MYO3B: variants seen among roughly 807,000 people sequenced by gnomAD.
MYO3B encodes the protein myosin-IIIb.
In MYO3B, 156 loss-of-function variants were observed where a neutral mutation model predicts 174.6. The observed-to-expected ratio is 0.89, with a 90% CI of 0.78 to 1.02. The LOEUF (loss-of-function observed/expected upper bound fraction) is 1.02, where lower values mean the gene tolerates loss of function less well. MYO3B is among the 50% of genes least tolerant of loss of function. The pLI is 0.00. For missense variants in MYO3B, 1,632 were observed against 1,639.4 expected (o/e 1.00, Z 0.08); for synonymous variants, 563 against 569.1 (o/e 0.99, Z 0.15).
At chr2:170,488,419 T>C (rs572843044) in intron 25 of MYO3B, among the ~76,000 whole-genome samples, 1 of 152,208 alleles carries the variant, frequency 6.6e-6, no homozygotes, top group Non-Finnish European at 1.5e-5. Context: ...TGTGCCTTTG[T>C]GTCAAACCTG....
intron 22 of MYO3B, among the ~76,000 whole-genome samples, chr2:170,443,001 C>A (rs987903036): frequency 3.3e-5 from 5 of 152,168 alleles, no homozygotes; most frequent in African/African-American, 9.7e-5. Context: ...GATTTATAAT[C>A]CTTCAGGTAT....
intron 3 of MYO3B, among the ~76,000 whole-genome samples, chr2:170,200,965 G>A (rs568986558): frequency 2.0e-5 from 3 of 152,304 alleles, no homozygotes; most frequent in South Asian, 4.1e-4. Context: ...TCAGTTCTCT[G>A]AAGTGGAAGC....
chr2:170,413,827 CAGG>C (rs2094561136), intron 22 of MYO3B, among the ~76,000 whole-genome samples: 1 of 151,956 alleles, frequency 6.6e-6, no homozygotes, highest in African/African-American at 2.4e-5. Flanking sequence ...ATCACGAGGT[CAGG>C]AGATCAAGAC....
At chr2:170,493,694 G>A (rs1686646470) in intron 25 of MYO3B, among the ~76,000 whole-genome samples, 1 of 152,142 alleles carries the variant, frequency 6.6e-6, no homozygotes, top group African/African-American at 2.4e-5. Flanking sequence ...CTAAGCCTAG[G>A]TCATAAAACA....
At chr2:170,335,625 A>G (rs2093942454) in intron 8 of MYO3B, among the ~76,000 whole-genome samples, 175 bp downstream of exon 8, 1 of 152,234 alleles carries the variant, frequency 6.6e-6, no homozygotes, top group Admixed American at 6.5e-5. Flanking sequence ...TGTGAAAAGT[A>G]AGGCGTTCCA....
intron 7 of MYO3B, among the ~76,000 whole-genome samples, chr2:170,320,630 T>C (rs1559384730): frequency 6.6e-6 from 1 of 151,898 alleles, no homozygotes; most frequent in Non-Finnish European, 1.5e-5. Flanking sequence ...TAGTTTTAAA[T>C]ATAATTATAT....
chr2:170,298,265 C>T (rs1198942516), intron 7 of MYO3B, among the ~76,000 whole-genome samples: 3 of 152,036 alleles, frequency 2.0e-5, no homozygotes, highest in Non-Finnish European at 2.9e-5. Flanking sequence ...GGAGAGAGCC[C>T]TCCCTAGAGA....
intron 8 of MYO3B, among the ~76,000 whole-genome samples, chr2:170,359,518 C>A (rs1168082625): frequency 6.6e-6 from 1 of 152,160 alleles, no homozygotes; most frequent in Non-Finnish European, 1.5e-5. Context: ...AACTTACCAG[C>A]AAGACCTTCT....
intron 7 of MYO3B, among the ~76,000 whole-genome samples, chr2:170,326,723 G>C (rs2093871498): frequency 6.6e-6 from 1 of 152,214 alleles, no homozygotes; most frequent in African/African-American, 2.4e-5. Context: ...GTGCTTTAGA[G>C]ATAATGAGAA....
chr2:170,627,040 C>T (rs1183245443), intron 32 of MYO3B, among the ~76,000 whole-genome samples: 1 of 151,924 alleles, frequency 6.6e-6, no homozygotes, highest in East Asian at 1.9e-4. Context: ...AGTTGCTCTT[C>T]TCCAGGAGTA....
chr2:170,519,760 G>A (rs1688548913), intron 30 of MYO3B: 1 of 420,614 alleles, frequency 2.4e-6, no homozygotes, highest in Admixed American at 3.7e-5. Context: ...ATCACCTGAG[G>A]TCAGGAGTTT....
intron 25 of MYO3B, among the ~76,000 whole-genome samples, chr2:170,468,149 G>C (rs1466105563): frequency 6.6e-6 from 1 of 152,036 alleles, no homozygotes; most frequent in Non-Finnish European, 1.5e-5. Flanking sequence ...CAAGTTAATT[G>C]GTATTTTGAT....
intron 7 of MYO3B, among the ~76,000 whole-genome samples, chr2:170,282,297 G>A (rs1311369576): frequency 1.3e-5 from 2 of 152,030 alleles, no homozygotes; most frequent in Admixed American, 6.6e-5. Flanking sequence ...GAGAGATAGG[G>A]TTCTAGTTTC....
intron 7 of MYO3B, among the ~76,000 whole-genome samples, chr2:170,252,073 C>T (rs148967996): frequency 1.1e-4 from 16 of 152,300 alleles, no homozygotes; most frequent in African/African-American, 3.6e-4. Context: ...CATAGTTCAC[C>T]GTTCTTCCAA....
At chr2:170,480,060 A>ATATAT in intron 25 of MYO3B, among the ~76,000 whole-genome samples, 1 of 137,876 alleles carries the variant, frequency 7.3e-6, no homozygotes, top group Admixed American at 7.5e-5. Flanking sequence ...TATATATATA[A>ATATAT]AATAACACCA....
At chr2:170,544,164 A>T (rs1236967219) in intron 32 of MYO3B, among the ~76,000 whole-genome samples, 176 bp downstream of exon 32, 2 of 152,252 alleles carry the variant, frequency 1.3e-5, no homozygotes, top group Admixed American at 6.5e-5. Context: ...GCAGTTTACC[A>T]TGTACCCATG....
chr2:170,264,226 C>T (rs2093366325), intron 7 of MYO3B, among the ~76,000 whole-genome samples: 1 of 152,230 alleles, frequency 6.6e-6, no homozygotes. Context: ...CAGTAACAGT[C>T]TGATCTCTCT....
chr2:170,185,179 T>C (rs1464616657), intron 1 of MYO3B, among the ~76,000 whole-genome samples: 1 of 152,174 alleles, frequency 6.6e-6, no homozygotes, highest in Non-Finnish European at 1.5e-5. Flanking sequence ...TTAAACTTGA[T>C]GTAATCCCAT....
At chr2:170,248,225 G>A (rs1406376984) in intron 7 of MYO3B, among the ~76,000 whole-genome samples, 2 of 152,114 alleles carry the variant, frequency 1.3e-5, no homozygotes, top group African/African-American at 4.8e-5. Flanking sequence ...TTCCGGAAGG[G>A]TGAAGGGATA....
Sources: allele counts gnomAD v4.1 joint callset (sites outside exome capture counted in the v4.1 genomes callset), GRCh38; gene constraint gnomAD v4.1.1; transcripts MANE v1.5; gene names NCBI Gene and HGNC (gene_info 2026-07-23, HGNC 2026-07-21).